CSMD1: variants seen among roughly 807,000 people sequenced by gnomAD.
CSMD1 encodes the protein CUB and Sushi multiple domains 1.
Under a neutral mutation model 417.5 loss-of-function variants are expected in CSMD1, and 213 were observed. That is an observed-to-expected ratio of 0.51 (90% confidence interval 0.46 to 0.57). The LOEUF (loss-of-function observed/expected upper bound fraction) is 0.57, where lower values mean the gene tolerates loss of function less well. Among genes scored for constraint, CSMD1 ranks in the 20% least tolerant of loss-of-function variants. The pLI is 0.00. For missense variants in CSMD1, 6,923 were observed against 4,529.7 expected (o/e 1.53, Z -15.17); for synonymous variants, 2,862 against 1,736.8 (o/e 1.65, Z -16.11).
At chr8:4,322,293 T>C (rs1204641387) in intron 3 of CSMD1, among the ~76,000 whole-genome samples, 1 of 152,000 alleles carries the variant, frequency 6.6e-6, no homozygotes, top group Non-Finnish European at 1.5e-5. Context: ...GAATTCAATT[T>C]CATGTTATCT....
At chr8:4,752,082 T>A (rs1457971291) in intron 1 of CSMD1, among the ~76,000 whole-genome samples, 1 of 132,868 alleles carries the variant, frequency 7.5e-6, no homozygotes, top group Non-Finnish European at 1.7e-5. Flanking sequence ...TATATTCATG[T>A]CTGTGTGTGT....
At chr8:4,859,666 T>C (rs375123146) in intron 1 of CSMD1, among the ~76,000 whole-genome samples, 3 of 151,958 alleles carry the variant, frequency 2.0e-5, no homozygotes, top group Non-Finnish European at 4.4e-5. Flanking sequence ...AAAATGCTCA[T>C]CATCCCTGGC....
chr8:3,023,168 G>C (rs1401324513), intron 51 of CSMD1, among the ~76,000 whole-genome samples: 1 of 152,156 alleles, frequency 6.6e-6, no homozygotes, highest in South Asian at 2.1e-4. Flanking sequence ...TACGTTTAAT[G>C]ATCAATCCAG....
At chr8:4,379,162 G>T (rs945179439) in intron 3 of CSMD1, among the ~76,000 whole-genome samples, 1 of 152,122 alleles carries the variant, frequency 6.6e-6, no homozygotes, top group African/African-American at 2.4e-5. Flanking sequence ...TGAGACACTG[G>T]AAATGGCTGA....
intron 3 of CSMD1, among the ~76,000 whole-genome samples, chr8:4,415,226 T>C (rs968753704): frequency 1.3e-5 from 2 of 152,134 alleles, no homozygotes; most frequent in East Asian, 1.9e-4. Context: ...CGCTCCCCAC[T>C]GAACTCAGCC....
Position 4,983,417 on chromosome 8 carries a change from A to G in CSMD1, c.85+10915T>C, listed in dbSNP as rs1051346628. On this transcript the variant is annotated intron_variant, in intron 1 of 69. Coordinates refer to ENST00000635120, the MANE Select transcript of CSMD1 (RefSeq NM_033225.6). ...AACAGTGAATGTGTAAGAAACCAGA[A>G]TGATGCTTGGATACTTGCAAGAGTG... Among the ~76,000 whole-genome samples, 4 of 152,270 alleles carry G rather than the reference A, an allele frequency of 2.6e-5. No homozygotes were observed. The East Asian group carries it at 7.7e-4, about 29-fold the overall frequency.
At chr8:4,318,460 A>C (rs1799065026) in intron 3 of CSMD1, among the ~76,000 whole-genome samples, 1 of 152,272 alleles carries the variant, frequency 6.6e-6, no homozygotes, top group Non-Finnish European at 1.5e-5. Context: ...TTAAAAGGTC[A>C]TTAGCAAGTA....
chr8:4,020,846 G>A (rs1167448451), intron 4 of CSMD1, among the ~76,000 whole-genome samples: 1 of 152,114 alleles, frequency 6.6e-6, no homozygotes, highest in Non-Finnish European at 1.5e-5. Flanking sequence ...CTTATCTTTT[G>A]CCTAAACTAA....
chr8:4,925,467 T>C (rs115674416), intron 1 of CSMD1, among the ~76,000 whole-genome samples: 1,523 of 152,160 alleles, frequency 0.01, 28 homozygotes, highest in African/African-American at 0.035. Context: ...AACCATAAAA[T>C]ATTTAAAACT....
At chr8:4,400,103 T>C (rs529500710) in intron 3 of CSMD1, among the ~76,000 whole-genome samples, 17 of 152,280 alleles carry the variant, frequency 1.1e-4, no homozygotes, top group Admixed American at 8.5e-4. Context: ...TACATTAAAA[T>C]AGTGTATACT....
chr8:4,228,279 G>T, intron 3 of CSMD1, among the ~76,000 whole-genome samples: 1 of 152,284 alleles, frequency 6.6e-6, no homozygotes, highest in Middle Eastern at 3.4e-3. Context: ...AGGCCCTGGT[G>T]CTGCTGGCCC....
intron 5 of CSMD1, among the ~76,000 whole-genome samples, chr8:3,939,365 T>G (rs1369596750): frequency 6.6e-6 from 1 of 152,124 alleles, no homozygotes; most frequent in African/African-American, 2.4e-5. Context: ...AAAATATAAA[T>G]GTTGGCATGG....
chr8:3,670,928 G>A (rs1207178963), intron 7 of CSMD1, among the ~76,000 whole-genome samples: 3 of 146,206 alleles, frequency 2.1e-5, no homozygotes, highest in African/African-American at 7.5e-5. Flanking sequence ...ATATGTATAT[G>A]GGATATATAT....
At chr8:3,610,538 T>C (rs1370735842) in intron 8 of CSMD1, among the ~76,000 whole-genome samples, 2 of 152,106 alleles carry the variant, frequency 1.3e-5, no homozygotes, top group Admixed American at 6.5e-5. Context: ...GTCATATAAG[T>C]ATATAATATA....
chr8:4,225,408 G>C (rs189739971), intron 3 of CSMD1, among the ~76,000 whole-genome samples: 2 of 151,480 alleles, frequency 1.3e-5, no homozygotes, highest in South Asian at 2.1e-4. Flanking sequence ...TAAGCCTCTA[G>C]ATAAGAACAT....
At chr8:3,359,094 T>G (rs747679984) in intron 21 of CSMD1, 58 bp downstream of exon 21, 112 of 1,564,928 alleles carry the variant, frequency 7.2e-5, no homozygotes, top group Admixed American at 3.4e-4. Flanking sequence ...CTAGGCTTCT[T>G]GCCTGGGCTA....
At chr8:3,347,104 T>A (rs1404772765) in intron 22 of CSMD1, among the ~76,000 whole-genome samples, 1 of 152,250 alleles carries the variant, frequency 6.6e-6, no homozygotes, top group African/African-American at 2.4e-5. Flanking sequence ...CATCTCATAA[T>A]GTTTTAAATA....
intron 5 of CSMD1, among the ~76,000 whole-genome samples, chr8:3,882,428 G>A (rs924716520): frequency 6.6e-6 from 1 of 152,196 alleles, no homozygotes; most frequent in Non-Finnish European, 1.5e-5. Flanking sequence ...GTTATGTGGA[G>A]CAACTGGAAA....
At chr8:3,797,544 T>G (rs796071309) in intron 5 of CSMD1, among the ~76,000 whole-genome samples, 3 of 152,062 alleles carry the variant, frequency 2.0e-5, no homozygotes, top group African/African-American at 4.8e-5. Context: ...TCTCTTAAAT[T>G]TGGATTCTGT....
Sources: gnomAD v4.1 joint callset for allele counts (sites outside exome capture counted in the v4.1 genomes callset) on GRCh38, gnomAD v4.1.1 for gene constraint, MANE v1.5 for transcripts, NCBI Gene and HGNC (gene_info 2026-07-23, HGNC 2026-07-21) for gene names.